AKAP13: variants seen among roughly 807,000 people sequenced by gnomAD.
AKAP13 encodes the protein A-kinase anchor protein 13.
A neutral mutation model predicts 264.5 loss-of-function variants in AKAP13; 80 were observed. That is an observed-to-expected ratio of 0.30 (90% confidence interval 0.25 to 0.36). AKAP13 has a LOEUF of 0.36. AKAP13 is among the 10% of genes least tolerant of loss of function. The pLI is 1.00. For synonymous variants in AKAP13, 1,380 were observed against 1,250.2 expected, an observed-to-expected ratio of 1.10 and a Z score of -2.19; for missense variants, 3,712 against 3,435.2, an observed-to-expected ratio of 1.08 and a Z score of -2.01.
In AKAP13 at chr15:85,579,671, A is replaced by C. The variant is rs2079116830; in HGVS notation, c.1603A>C (p.Asn535His). 1 of 1,614,180 alleles carries C rather than the reference A, an allele frequency of 6.2e-7. No individual in the cohort carries two copies. ...SKPVDKISVP[N>H]CAPAASSLDG... ...GCCTGTGGATAAAATCAGTGTTCCAAACTGTGCCCCTGCTGCCAGTTCCCT... is the reference window on the plus strand; with the variant it reads ...GCCTGTGGATAAAATCAGTGTTCCACACTGTGCCCCTGCTGCCAGTTCCCT... Residue 535 changes from asparagine to histidine, a missense_variant, in exon 7 of 37, where the codon AAC becomes CAC. This residue lies in a region of AKAP13 where 2,759 missense variants were observed against 2,411.7 expected (regional missense o/e 1.14). Transcript: ENST00000394518.
chr15:85,589,478 G>A (rs1046767230), intron 8 of AKAP13, among the ~76,000 whole-genome samples: 7 of 151,802 alleles, frequency 4.6e-5, no homozygotes, highest in Non-Finnish European at 7.4e-5. Context: ...AATCTCAGCC[G>A]GGCACAGCGG....
In AKAP13 at chr15:85,743,785, GAAA is replaced by G. The variant is rs762496945; in HGVS notation, c.8358_8360del (p.Lys2788del). 1.2e-5 allele frequency: 19 copies of G among 1,607,588 alleles called. No individual in the cohort carries two copies. Among genetic ancestry groups the G allele is most frequent in the Non-Finnish European group, 1.4e-5 (17 of 1,178,174 alleles). On this transcript the variant is annotated inframe_deletion, in exon 36 of 37. Coordinates refer to ENST00000394518, the MANE Select transcript of AKAP13 (RefSeq NM_007200.5). ...TAACAAAGCCAAAGGAAAAGAAGGA[GAAA>G]AAAAAGAAGAACAAAACCAGCCGCT...
At chr15:85,504,503 CAAAAAAAAAAAAAAAAAAAAA>C (rs566579814) in intron 2 of AKAP13, among the ~76,000 whole-genome samples, 1 of 91,068 alleles carries the variant, frequency 1.1e-5, no homozygotes, top group Non-Finnish European at 1.9e-5. Context: ...CCTGTCTTTA[CAAAAAAAAAAAAAAAAAAAAA>C]AAAAAAAAAA....
At chr15:85,401,402 C>G (rs1251438690) in intron 1 of AKAP13, among the ~76,000 whole-genome samples, 2 of 152,118 alleles carry the variant, frequency 1.3e-5, no homozygotes, top group South Asian at 2.1e-4. Flanking sequence ...CTGAATTGAT[C>G]AGAATTTTTA....
chr15:85,711,071 A>C (rs1387635628), intron 19 of AKAP13, among the ~76,000 whole-genome samples: 3 of 151,996 alleles, frequency 2.0e-5, no homozygotes, highest in African/African-American at 7.3e-5. Flanking sequence ...GCTGGAGTAC[A>C]ATAGCACAAT....
intron 7 of AKAP13, among the ~76,000 whole-genome samples, chr15:85,584,108 A>G (rs2079237062): frequency 6.6e-6 from 1 of 152,176 alleles, no homozygotes; most frequent in African/African-American, 2.4e-5. Context: ...CTCAGAGCCA[A>G]AGGGTATTTT....
In AKAP13 at chr15:85,747,053, A is replaced by G. The variant is rs755213232; in HGVS notation, c.*2376A>G. ...TTTTGGTGGTCTTTTTTAAAAATAG[A>G]GATTTCACATCTGCCCAGACCCCAC... On this transcript the variant is annotated 3_prime_UTR_variant, in exon 37 of 37. Coordinates refer to ENST00000394518, the MANE Select transcript of AKAP13 (RefSeq NM_007200.5). The G allele has an allele frequency of 1.3e-5, 2 of 152,184 alleles. No individual in the cohort carries two copies. Among genetic ancestry groups the G allele is most frequent in the Admixed American group, 6.5e-5 (1 of 15,272 alleles). The allele number at this position is 152,184 out of a possible 1,614,324, so 9.4% of individuals were successfully genotyped here.
chr15:85,596,567 G>C (rs2079834393), intron 8 of AKAP13, among the ~76,000 whole-genome samples: 1 of 152,082 alleles, frequency 6.6e-6, no homozygotes. Flanking sequence ...CTGGGCAACA[G>C]AATGAGACCC....
chr15:85,663,407 C>G (rs1169399981), intron 12 of AKAP13, among the ~76,000 whole-genome samples: 1 of 151,924 alleles, frequency 6.6e-6, no homozygotes, highest in Non-Finnish European at 1.5e-5. Flanking sequence ...AAAAACATAT[C>G]CATTGTTTAG....
chr15:85,558,483 C>T (rs1204941737), intron 5 of AKAP13, among the ~76,000 whole-genome samples: 3 of 152,116 alleles, frequency 2.0e-5, no homozygotes, highest in Non-Finnish European at 4.4e-5. Flanking sequence ...ATGATAACCT[C>T]ACACATAGTT....
chr15:85,398,651 G>A (rs2071238822), intron 1 of AKAP13, among the ~76,000 whole-genome samples: 1 of 152,100 alleles, frequency 6.6e-6, no homozygotes, highest in Admixed American at 6.6e-5. Context: ...TGCCTCCCAG[G>A]TTCAAGCAAC....
intron 1 of AKAP13, among the ~76,000 whole-genome samples, chr15:85,399,117 G>A (rs558049747): frequency 6.6e-6 from 1 of 152,322 alleles, no homozygotes; most frequent in South Asian, 2.1e-4. Flanking sequence ...TCTACAGAAA[G>A]CTTTTGTCAT....
At chr15:85,409,664 T>C (rs1041437097) in intron 1 of AKAP13, among the ~76,000 whole-genome samples, 8 of 149,246 alleles carry the variant, frequency 5.4e-5, no homozygotes, top group Admixed American at 1.3e-4. Flanking sequence ...TCTCGCTTTG[T>C]CTGTCGCCCA....
intron 1 of AKAP13, among the ~76,000 whole-genome samples, chr15:85,405,789 C>G (rs1440598371): frequency 1.3e-5 from 2 of 152,136 alleles, no homozygotes; most frequent in Non-Finnish European, 2.9e-5. Context: ...GTATGTGTCT[C>G]TTGAAGAAAG....
intron 7 of AKAP13, among the ~76,000 whole-genome samples, chr15:85,582,569 C>T (rs2079169262): frequency 6.6e-6 from 1 of 152,152 alleles, no homozygotes; most frequent in Non-Finnish European, 1.5e-5. Flanking sequence ...AATTTAGAGT[C>T]AGAGTGGTTT....
chr15:85,703,618 G>C (rs1023558261), intron 17 of AKAP13, among the ~76,000 whole-genome samples: 1 of 152,168 alleles, frequency 6.6e-6, no homozygotes, highest in Non-Finnish European at 1.5e-5. Context: ...GAGGCGGGTG[G>C]ATCACCTGAG....
intron 2 of AKAP13, among the ~76,000 whole-genome samples, chr15:85,494,333 G>C (rs2075814825): frequency 6.6e-6 from 1 of 152,198 alleles, no homozygotes; most frequent in Non-Finnish European, 1.5e-5. Flanking sequence ...GAAGGAGGAG[G>C]AAAGGGTCTT....
At chr15:85,567,004 A>C (rs1211551193) in intron 5 of AKAP13, among the ~76,000 whole-genome samples, 1 of 152,194 alleles carries the variant, frequency 6.6e-6, no homozygotes, top group Non-Finnish European at 1.5e-5. Flanking sequence ...TACTTAGATC[A>C]CCTGTGTACA....
In AKAP13 at chr15:85,677,125, G is replaced by T. The variant is rs536539361; in HGVS notation, c.5102-5033G>T. 7.1e-6 allele frequency: 7 copies of T among 985,344 alleles called. No individual in the cohort carries two copies. In the African/African-American group the frequency reaches 1.2e-4, roughly 17 times the overall value. 61.0% of individuals were successfully genotyped at this position (985,344 alleles called of 1,614,324 possible). ...TAAGTAAGCAACTTTGGTGTCCAGT[G>T]ACTGTTCTTGAAGGTCTGACCAGCT... On this transcript the variant is annotated intron_variant, in intron 14 of 36. Coordinates refer to ENST00000394518, the MANE Select transcript of AKAP13 (RefSeq NM_007200.5).
Sources: allele counts gnomAD v4.1 joint callset (sites outside exome capture counted in the v4.1 genomes callset), GRCh38; gene constraint gnomAD v4.1.1; regional missense constraint gnomAD v4.1.1; transcripts MANE v1.5; gene names NCBI Gene and HGNC (gene_info 2026-07-23, HGNC 2026-07-21).